The following CCNY variants were observed in gnomAD, a reference collection of about 807,000 sequenced individuals.
CCNY encodes the protein cyclin-Y.
A neutral mutation model predicts 42.8 loss-of-function variants in CCNY; 19 were observed. The ratio of observed to expected loss-of-function variants is 0.44; its 90% CI spans 0.31 to 0.65. The LOEUF (loss-of-function observed/expected upper bound fraction) is 0.65, where lower values mean the gene tolerates loss of function less well. CCNY is among the 30% of genes least tolerant of loss of function. The probability of loss-of-function intolerance (pLI) is 0.07; values close to 1 mark genes in which losing one functional copy is unlikely to be tolerated. For missense variants in CCNY, 370 were observed against 437.3 expected (o/e 0.85, Z 1.37); for synonymous variants, 165 against 162.7 (o/e 1.01, Z -0.11).
At chr10:35,391,620 G>A (rs1837415765) in intron 1 of CCNY, among the ~76,000 whole-genome samples, 1 of 152,136 alleles carries the variant, frequency 6.6e-6, no homozygotes, top group Non-Finnish European at 1.5e-5. Flanking sequence ...GAGAAACTTG[G>A]GGTTCACCAT....
chr10:35,316,141 T>C (rs1470028687), intron 3 of CCNY, among the ~76,000 whole-genome samples: 2 of 152,200 alleles, frequency 1.3e-5, no homozygotes, highest in African/African-American at 4.8e-5. Context: ...TGGATCCCAG[T>C]TGATTTAGTG....
intron 2 of CCNY, among the ~76,000 whole-genome samples, chr10:35,487,549 A>G (rs182771239): frequency 2.3e-4 from 35 of 152,234 alleles, no homozygotes; most frequent in African/African-American, 8.2e-4. Context: ...TGGCACTTGC[A>G]TGATGTCATC....
intron 1 of CCNY, among the ~76,000 whole-genome samples, chr10:35,381,284 G>A (rs767660197): frequency 1.3e-5 from 2 of 152,192 alleles, no homozygotes; most frequent in Non-Finnish European, 2.9e-5. Flanking sequence ...TGTAGGCCGA[G>A]CGCCATGGCT....
intron 8 of CCNY, among the ~76,000 whole-genome samples, chr10:35,562,309 A>C (rs900212973): frequency 1.3e-5 from 2 of 152,208 alleles, no homozygotes; most frequent in Admixed American, 6.5e-5. Context: ...AATTGTAGTA[A>C]AATGTATGTA....
chr10:35,288,498 A>ATGAAG (rs1336030190), intron 3 of CCNY, among the ~76,000 whole-genome samples: 2 of 152,104 alleles, frequency 1.3e-5, no homozygotes, highest in Non-Finnish European at 2.9e-5. Flanking sequence ...TTAAGTTCCA[A>ATGAAG]TGAAGTCAAT....
chr10:35,448,899 G>T (rs913587535), intron 1 of CCNY, among the ~76,000 whole-genome samples: 7 of 152,100 alleles, frequency 4.6e-5, no homozygotes, highest in Admixed American at 1.3e-4. Context: ...TCCCCAGGGG[G>T]TGCAGTGTGG....
chr10:35,385,642 A>C (rs1364171189), intron 1 of CCNY, among the ~76,000 whole-genome samples: 1 of 152,192 alleles, frequency 6.6e-6, no homozygotes, highest in Non-Finnish European at 1.5e-5. Context: ...CCAATACCTG[A>C]TATTTCTTTA....
At chr10:35,418,301 G>A (rs1042850106) in intron 1 of CCNY, among the ~76,000 whole-genome samples, 6 of 152,072 alleles carry the variant, frequency 3.9e-5, no homozygotes, top group African/African-American at 1.4e-4. Flanking sequence ...GGGGGTGGAG[G>A]AATGAAAAGG....
chr10:35,548,104 C>A (rs1483900953), intron 7 of CCNY, among the ~76,000 whole-genome samples: 2 of 151,948 alleles, frequency 1.3e-5, no homozygotes, highest in Admixed American at 6.6e-5. Context: ...ACTTTTGACC[C>A]CCCAAAACTT....
At chr10:35,301,702 C>T (rs1835535378) in intron 3 of CCNY, among the ~76,000 whole-genome samples, 1 of 152,068 alleles carries the variant, frequency 6.6e-6, no homozygotes, top group Non-Finnish European at 1.5e-5. Context: ...GATCACGGCT[C>T]ACAGAAGACT....
rs12256115 is a variant in CCNY at position 35,414,143 on chromosome 10, A to C, written c.155-69261A>C. Among the ~76,000 whole-genome samples, 351 of 152,156 alleles carry C rather than the reference A, an allele frequency of 2.3e-3. 2 individuals carry two copies. The highest frequency in any genetic ancestry group is 8.2e-3 in the African/African-American group (341 of 41,514). On this transcript the variant is annotated intron_variant, in intron 1 of 9. Coordinates refer to ENST00000374704, the MANE Select transcript of CCNY (RefSeq NM_145012.6). Reference sequence around the variant, plus strand: ...CAGCAGCTTAAGACAACACACATTGACTCTATCACAGTTTCTGTGGGGCAT... The same window carrying C: ...CAGCAGCTTAAGACAACACACATTGCCTCTATCACAGTTTCTGTGGGGCAT...
rs974784507 is a variant in CCNY, at chr10:35,516,468, G to A, written c.265-55G>A. Reference sequence around the variant, plus strand: ...AAGTTAAGCGGGGGTGATGTTTCTTGGAAGAATTCTGAGCCCTGTGTAATT... The same window carrying A: ...AAGTTAAGCGGGGGTGATGTTTCTTAGAAGAATTCTGAGCCCTGTGTAATT... On this transcript the variant is annotated intron_variant, in intron 3 of 9. Coordinates refer to ENST00000374704, the MANE Select transcript of CCNY (RefSeq NM_145012.6). 9.8e-6 allele frequency: 12 copies of A among 1,222,688 alleles called. No individual in the cohort carries two copies. The South Asian group carries it at 1.3e-4, about 14-fold the overall frequency. The allele number at this position is 1,222,688 out of a possible 1,614,324, so 75.7% of individuals were successfully genotyped here.
intron 3 of CCNY, among the ~76,000 whole-genome samples, chr10:35,260,489 T>C (rs2095718740): frequency 2.0e-5 from 3 of 152,130 alleles, no homozygotes; most frequent in Non-Finnish European, 4.4e-5. Context: ...ATCTGGGAAG[T>C]TGAGAAAGCA....
At chr10:35,561,364 G>T (rs1042049932) in intron 8 of CCNY, among the ~76,000 whole-genome samples, 1 of 152,166 alleles carries the variant, frequency 6.6e-6, no homozygotes, top group Admixed American at 6.5e-5. Flanking sequence ...CACTCAGAAA[G>T]AATATTGCTA....
chr10:35,561,699 A>C (rs1390705404), intron 8 of CCNY, among the ~76,000 whole-genome samples: 1 of 152,208 alleles, frequency 6.6e-6, no homozygotes, highest in Admixed American at 6.5e-5. Context: ...CCATAGGCTA[A>C]TCTCCTGCTC....
At chr10:35,322,728 C>T (rs113764127) in intron 3 of CCNY, among the ~76,000 whole-genome samples, 1 of 152,086 alleles carries the variant, frequency 6.6e-6, no homozygotes, top group African/African-American at 2.4e-5. Context: ...AACATGCACA[C>T]AAAAATATGT....
intron 7 of CCNY, among the ~76,000 whole-genome samples, chr10:35,540,674 A>G (rs1302490072): frequency 6.6e-6 from 1 of 151,960 alleles, no homozygotes; most frequent in Non-Finnish European, 1.5e-5. Context: ...GGAAGTTTCT[A>G]CATTACTAAT....
At chr10:35,537,122 C>T (rs1354441279) in intron 7 of CCNY, among the ~76,000 whole-genome samples, 1 of 152,164 alleles carries the variant, frequency 6.6e-6, no homozygotes, top group Admixed American at 6.5e-5. Flanking sequence ...CTAAAAGGGG[C>T]CAAGGCACAG....
chr10:35,444,549 T>C (rs1838749509), intron 1 of CCNY, among the ~76,000 whole-genome samples: 1 of 152,208 alleles, frequency 6.6e-6, no homozygotes, highest in Admixed American at 6.5e-5. Context: ...TGTCTGGCTA[T>C]AACTGTTTGA....
Sources: allele counts gnomAD v4.1 joint callset (sites outside exome capture counted in the v4.1 genomes callset), GRCh38; gene constraint gnomAD v4.1.1; transcripts MANE v1.5; gene names NCBI Gene and HGNC (gene_info 2026-07-23, HGNC 2026-07-21).